The following LDLRAD4 variants were observed in gnomAD, a reference collection of about 807,000 sequenced individuals.
The protein encoded by LDLRAD4 is low-density lipoprotein receptor class A domain-containing protein 4.
LDLRAD4 carries 5 observed loss-of-function variants against 17.0 expected under a neutral mutation model. The ratio of observed to expected loss-of-function variants is 0.29; its 90% CI spans 0.15 to 0.62. The LOEUF (loss-of-function observed/expected upper bound fraction) is 0.62, where lower values mean the gene tolerates loss of function less well. Ranked by LOEUF, LDLRAD4 falls within the 20% of genes least tolerant of loss-of-function variation. LDLRAD4 has a pLI of 0.84. For synonymous variants in LDLRAD4, 168 were observed against 171.8 expected, an observed-to-expected ratio of 0.98 and a Z score of 0.17; for missense variants, 340 against 424.7, an observed-to-expected ratio of 0.80 and a Z score of 1.75.
chr18:13,305,413 A>T (rs2046854893), intron 1 of LDLRAD4, among the ~76,000 whole-genome samples: 1 of 152,246 alleles, frequency 6.6e-6, no homozygotes, highest in Non-Finnish European at 1.5e-5. Context: ...TTCAGTATCC[A>T]CTTAAGACAC....
At chr18:13,642,325 C>T (rs1376668020) in intron 4 of LDLRAD4, 2 of 997,960 alleles carry the variant, frequency 2.0e-6, no homozygotes, top group Non-Finnish European at 2.4e-6. Flanking sequence ...AGTTCGCGCT[C>T]TCCCGTGACG....
intron 1 of LDLRAD4, among the ~76,000 whole-genome samples, chr18:13,314,699 G>T (rs1041951147): frequency 1.3e-5 from 2 of 152,206 alleles, no homozygotes; most frequent in Admixed American, 1.3e-4. Context: ...ACCATGCATG[G>T]AGCTTGTGGC....
chr18:13,568,180 G>T (rs2094633388), intron 3 of LDLRAD4, among the ~76,000 whole-genome samples: 1 of 152,048 alleles, frequency 6.6e-6, no homozygotes, highest in African/African-American at 2.4e-5. Flanking sequence ...TGCAGTCCCA[G>T]CTACTCAGGA....
chr18:13,487,599 CT>C (rs1242217110), intron 3 of LDLRAD4: 2 of 152,292 alleles, frequency 1.3e-5, no homozygotes, highest in Non-Finnish European at 2.9e-5. Flanking sequence ...TAACTTGTTT[CT>C]TCTTTCATTC....
At chr18:13,545,522 C>A (rs984697547) in intron 3 of LDLRAD4, among the ~76,000 whole-genome samples, 6 of 152,090 alleles carry the variant, frequency 3.9e-5, no homozygotes, top group Admixed American at 3.9e-4. Context: ...CTTGTCTTGT[C>A]CTGCTGGGAT....
chr18:13,387,826 C>A, intron 2 of LDLRAD4, 64 bp downstream of exon 3: 1 of 1,423,932 alleles, frequency 7.0e-7, no homozygotes, highest in Non-Finnish European at 9.9e-7. Flanking sequence ...AACTCCCAAA[C>A]CACTGCATGC....
intron 3 of LDLRAD4, among the ~76,000 whole-genome samples, chr18:13,560,296 AG>A (rs921811171): frequency 1.3e-5 from 2 of 152,200 alleles, no homozygotes; most frequent in Non-Finnish European, 2.9e-5. Context: ...CCATGTCACA[AG>A]GAGTCTGTCC....
intron 3 of LDLRAD4, among the ~76,000 whole-genome samples, chr18:13,512,925 C>T (rs1488773892): frequency 1.3e-5 from 2 of 152,204 alleles, no homozygotes; most frequent in Non-Finnish European, 2.9e-5. Context: ...GTTACCCTAT[C>T]CTGTCTTCTC....
intron 4 of LDLRAD4, among the ~76,000 whole-genome samples, chr18:13,628,618 G>C (rs2148873200): frequency 6.6e-6 from 1 of 152,290 alleles, no homozygotes; most frequent in South Asian, 2.1e-4. Context: ...CTCAAAATGA[G>C]AACATCTCCC....
intron 3 of LDLRAD4, among the ~76,000 whole-genome samples, chr18:13,529,033 A>G (rs1365666700): frequency 1.3e-5 from 2 of 152,250 alleles, no homozygotes; most frequent in African/African-American, 4.8e-5. Flanking sequence ...CACTGGCCCA[A>G]CTGATGTCAG....
chr18:13,386,919 GATAGATA>G (rs2085861239), intron 1 of LDLRAD4, among the ~76,000 whole-genome samples: 2 of 47,366 alleles, frequency 4.2e-5, no homozygotes, highest in Non-Finnish European at 6.4e-5. Flanking sequence ...TAGATAGATA[GATAGATA>G]GATAGATAGA....
At chr18:13,242,293 T>C (rs2042701994) in intron 1 of LDLRAD4, among the ~76,000 whole-genome samples, 1 of 152,246 alleles carries the variant, frequency 6.6e-6, no homozygotes, top group African/African-American at 2.4e-5. Context: ...CTTGATTTGA[T>C]CATCTGCATT....
At chr18:13,530,296 C>T (rs1025644535) in intron 3 of LDLRAD4, among the ~76,000 whole-genome samples, 14 of 152,200 alleles carry the variant, frequency 9.2e-5, no homozygotes, top group African/African-American at 3.4e-4. Context: ...CTTCCTCCCC[C>T]AGAAGAAAAA....
intron 2 of LDLRAD4, among the ~76,000 whole-genome samples, chr18:13,414,009 G>A (rs1234215265): frequency 1.3e-5 from 2 of 152,218 alleles, no homozygotes; most frequent in African/African-American, 2.4e-5. Flanking sequence ...CATTAAATAA[G>A]TGGATGGTGT....
Position 13,266,293 on chromosome 18 carries a change from C to T in LDLRAD4, c.-466-11812C>T, listed in dbSNP as rs536092903. ...GAGTCCGCATAAGCCCTCTGCCCTC[C>T]AGCCCTGCATTCACAGCTAGCCTGG... On this transcript the variant is annotated intron_variant, in intron 1 of 5. Transcript: ENST00000399848. Among the ~76,000 whole-genome samples, 12 of 152,344 alleles carry T rather than the reference C, an allele frequency of 7.9e-5. No individual in the cohort carries two copies. The East Asian group carries it at 2.3e-3, about 29-fold the overall frequency.
At chr18:13,344,453 G>A (rs1194552596) in intron 1 of LDLRAD4, among the ~76,000 whole-genome samples, 1 of 152,100 alleles carries the variant, frequency 6.6e-6, no homozygotes, top group East Asian at 1.9e-4. Context: ...TCTTTGTTTT[G>A]GTACCAGTAC....
chr18:13,466,739 T>A (rs1467859561), intron 3 of LDLRAD4, among the ~76,000 whole-genome samples: 2 of 152,228 alleles, frequency 1.3e-5, no homozygotes, highest in African/African-American at 4.8e-5. Flanking sequence ...CTCATTGTTC[T>A]GGAGGTCGGA....
chr18:13,358,034 T>C (rs190320314), intron 1 of LDLRAD4, among the ~76,000 whole-genome samples: 2 of 152,292 alleles, frequency 1.3e-5, no homozygotes, highest in East Asian at 3.9e-4. Context: ...CTAGTCTTCT[T>C]TGATGGCTTC....
intron 2 of LDLRAD4, among the ~76,000 whole-genome samples, chr18:13,414,940 TAATTGACATTTGTCTGTGGTTC>T (rs2145754657): frequency 6.6e-6 from 1 of 152,334 alleles, no homozygotes; most frequent in East Asian, 1.9e-4. Flanking sequence ...TGACCTTGGA[TAATTGACATTTGTCTGTGGTTC>T]AAACTGGAGA....
Sources: gnomAD v4.1 joint callset for allele counts (sites outside exome capture counted in the v4.1 genomes callset) on GRCh38, gnomAD v4.1.1 for gene constraint, MANE v1.5 for transcripts, NCBI Gene and HGNC (gene_info 2026-07-23, HGNC 2026-07-21) for gene names.